The following CCDC18 variants were observed in gnomAD, a reference collection of about 807,000 sequenced individuals.
CCDC18 encodes the protein coiled-coil domain-containing protein 18.
CCDC18 carries 157 observed loss-of-function variants against 196.0 expected under a neutral mutation model. That is an observed-to-expected ratio of 0.80 (90% confidence interval 0.70 to 0.91). The LOEUF (loss-of-function observed/expected upper bound fraction) is 0.91, where lower values mean the gene tolerates loss of function less well. CCDC18 is among the 40% of genes least tolerant of loss of function. CCDC18 has a pLI of 0.00. For missense variants in CCDC18, 1,465 were observed against 1,611.6 expected, an observed-to-expected ratio of 0.91 and a Z score of 1.56; for synonymous variants, 482 against 529.2, an observed-to-expected ratio of 0.91 and a Z score of 1.22.
Position 93,205,646 on chromosome 1 carries a change from T to C in CCDC18, c.917+15T>C. ...GAGAAATTAAGGTACAGTATTCTGT[T>C]GTAGAAAAAGGATTTTTGTGTGGAC... On this transcript the variant is annotated intron_variant, in intron 8 of 28. Coordinates refer to ENST00000690025, the MANE Select transcript of CCDC18 (RefSeq NM_001378204.1). 1 of 1,572,360 alleles carries C rather than the reference T, an allele frequency of 6.4e-7. No individual in the cohort carries two copies.
chr1:93,190,673 T>TC, intron 4 of CCDC18: 1 of 395,190 alleles, frequency 2.5e-6, no homozygotes. Context: ...TGTTTTTCTT[T>TC]CCCTTTTTTT....
At chr1:93,264,171 T>C (rs1445468448) in intron 26 of CCDC18, among the ~76,000 whole-genome samples, 2 of 152,100 alleles carry the variant, frequency 1.3e-5, no homozygotes, top group African/African-American at 4.8e-5. Context: ...GAGAACTCAC[T>C]ATCATGAGAA....
At chr1:93,193,235 A>G (rs1652134267) in intron 5 of CCDC18, among the ~76,000 whole-genome samples, 1 of 152,172 alleles carries the variant, frequency 6.6e-6, no homozygotes, top group Non-Finnish European at 1.5e-5. Flanking sequence ...TTTCCTTTTC[A>G]GCATTTATAC....
At chr1:93,201,706 AGT>A (rs1653867451) in intron 6 of CCDC18, among the ~76,000 whole-genome samples, 184 bp from the exon 7 acceptor site, 1 of 151,888 alleles carries the variant, frequency 6.6e-6, no homozygotes, top group South Asian at 2.1e-4. Context: ...ATATTGATAG[AGT>A]GAGAAAATTT....
intron 18 of CCDC18, among the ~76,000 whole-genome samples, chr1:93,234,906 T>G (rs1033664602): frequency 6.7e-5 from 10 of 148,478 alleles, no homozygotes; most frequent in Non-Finnish European, 1.0e-4. Flanking sequence ...ACTTCTGCCT[T>G]CCAAGTGCAT....
chr1:93,227,973 T>A (rs866585394), intron 17 of CCDC18, among the ~76,000 whole-genome samples: 2,860 of 115,212 alleles, frequency 0.025, 44 homozygotes, highest in Non-Finnish European at 0.033. Context: ...AAAAAAAAAA[T>A]ATATATATAT....
intron 19 of CCDC18, among the ~76,000 whole-genome samples, chr1:93,239,101 T>C (rs1028862603): frequency 6.6e-6 from 1 of 152,126 alleles, no homozygotes; most frequent in South Asian, 2.1e-4. Flanking sequence ...TATTACCAGG[T>C]AGTAGTAGTA....
chr1:93,229,541 G>T (rs1189745222), intron 17 of CCDC18, among the ~76,000 whole-genome samples: 1 of 152,158 alleles, frequency 6.6e-6, no homozygotes, highest in South Asian at 2.1e-4. Context: ...TTTTAAATCA[G>T]GGAATATGCC....
At chr1:93,215,694 G>A (rs763879579) in intron 12 of CCDC18, among the ~76,000 whole-genome samples, 10 of 152,120 alleles carry the variant, frequency 6.6e-5, no homozygotes, top group Non-Finnish European at 5.9e-5. Context: ...CTGGTTTCAG[G>A]TGATCCCCAC....
intron 26 of CCDC18, among the ~76,000 whole-genome samples, chr1:93,263,075 A>G (rs1664035878): frequency 6.6e-6 from 1 of 151,926 alleles, no homozygotes; most frequent in African/African-American, 2.4e-5. Flanking sequence ...AATACAGGTC[A>G]CCCCGTCTTG....
At chr1:93,251,996 T>C (rs1015733134) in intron 23 of CCDC18, among the ~76,000 whole-genome samples, 2 of 142,450 alleles carry the variant, frequency 1.4e-5, no homozygotes, top group African/African-American at 2.8e-5. Flanking sequence ...CACTGTGTAG[T>C]CTATTTATCT....
At chr1:93,215,745 C>G (rs1656383357) in intron 12 of CCDC18, among the ~76,000 whole-genome samples, 2 of 152,114 alleles carry the variant, frequency 1.3e-5, no homozygotes, top group African/African-American at 2.4e-5. Context: ...TGTGAGCCAC[C>G]ACACCTAGCC....
In CCDC18 at chr1:93,210,017, C is replaced by G. The variant is rs115453772; in HGVS notation, c.1210-785C>G. On this transcript the variant is annotated intron_variant, in intron 9 of 28. Coordinates refer to ENST00000690025, the MANE Select transcript of CCDC18 (RefSeq NM_001378204.1). ...TCGAGGCTGCAGTGAGCTCTATGAT[C>G]ATAAGCTCCAGTCTGGGTGACAGAG... Among the ~76,000 whole-genome samples, 1,504 of 152,146 alleles carry G rather than the reference C, an allele frequency of 9.9e-3. 9 individuals carry two copies. The highest frequency in any genetic ancestry group is 0.017 in the Non-Finnish European group (1,133 of 67,986).
chr1:93,266,350 T>C (rs1249407329), intron 27 of CCDC18, among the ~76,000 whole-genome samples: 2 of 152,166 alleles, frequency 1.3e-5, no homozygotes, highest in Non-Finnish European at 2.9e-5. Context: ...AGGAAAGATC[T>C]AAAATTGACA....
chr1:93,264,724 T>G lies in CCDC18; in HGVS notation c.3708T>G (p.His1236Gln), dbSNP rs557534437. 2 of 1,612,154 alleles carry G rather than the reference T, an allele frequency of 1.2e-6. No homozygotes were observed. Among genetic ancestry groups the G allele is most frequent in the Non-Finnish European group, 1.7e-6 (2 of 1,178,600 alleles). ...AGATGATTTCACATCAAGAGAACCA[T>G]GCAAAGTGGAAGATTTCTGCTGACT... is the stretch of plus-strand genomic sequence containing the variant. Reference protein sequence around the residue: ...HMEMISHQENHAKWKISADSQ... With the variant: ...HMEMISHQENQAKWKISADSQ... The change falls in exon 27 of 29, where the codon CAT (histidine) becomes CAG (glutamine). Residue 1236 changes from histidine (H) to glutamine (Q), a missense_variant. By Grantham distance (24) the His-to-Gln change is conservative. Transcript: ENST00000690025.
At chr1:93,250,099 A>G (rs558420802) in intron 23 of CCDC18, among the ~76,000 whole-genome samples, 68 of 152,136 alleles carry the variant, frequency 4.5e-4, no homozygotes, top group African/African-American at 1.6e-3. Context: ...TAGGATTTCT[A>G]CCTTTAAAAT....
At chr1:93,271,396 C>G in intron 28 of CCDC18, 13 of 985,194 alleles carry the variant, frequency 1.3e-5, no homozygotes, top group Non-Finnish European at 1.6e-5. Flanking sequence ...ATATATCCCT[C>G]TTCTTTTTTA....
rs909147845 is a variant in CCDC18, at chr1:93,264,419, A to G, written c.3685-282A>G. On this transcript the variant is annotated intron_variant, in intron 26 of 28. Transcript: ENST00000690025. ...CCCAATCATTGTTCACATTTCCCCAATTGTCTCAAAAATGTCTTTATAGTT... is the reference window on the plus strand; with the variant it reads ...CCCAATCATTGTTCACATTTCCCCAGTTGTCTCAAAAATGTCTTTATAGTT... Among the ~76,000 whole-genome samples, 5 of 152,230 alleles carry G rather than the reference A, an allele frequency of 3.3e-5. No individual in the cohort carries two copies. The South Asian group carries it at 8.3e-4, about 25-fold the overall frequency.
chr1:93,180,392 C>T, upstream of CCDC18: 4 of 1,252,344 alleles, frequency 3.2e-6, no homozygotes, highest in African/African-American at 1.6e-5. Flanking sequence ...ACACTCCCTC[C>T]GAAAGAGAAG....
Sources: gnomAD v4.1 joint callset for allele counts (sites outside exome capture counted in the v4.1 genomes callset) on GRCh38, gnomAD v4.1.1 for gene constraint, MANE v1.5 for transcripts, NCBI Gene and HGNC (gene_info 2026-07-23, HGNC 2026-07-21) for gene names.